The following CREBBP variants were observed in gnomAD, a reference collection of about 807,000 sequenced individuals.
CREBBP encodes the protein CREB-binding protein.
A neutral mutation model predicts 265.0 loss-of-function variants in CREBBP; 19 were observed. That is an observed-to-expected ratio of 0.07 (90% CI 0.05 to 0.11). The LOEUF (loss-of-function observed/expected upper bound fraction) is 0.11, where lower values mean the gene tolerates loss of function less well. Ranked by LOEUF, CREBBP falls within the 10% of genes least tolerant of loss-of-function variation. CREBBP has a pLI of 1.00. For synonymous variants in CREBBP, 1,457 were observed against 1,223.7 expected (o/e 1.19, Z -3.98); for missense variants, 2,525 against 3,219.0 (o/e 0.78, Z 5.22).
chr16:3,857,236 A>G lies in CREBBP; in HGVS notation c.86-6227T>C, dbSNP rs373030339. Among the ~76,000 whole-genome samples the G allele has an allele frequency of 5.9e-5, 9 of 152,230 alleles. No homozygotes were observed. The South Asian group carries it at 1.9e-3, about 32-fold the overall frequency. ...TTTTTGTTTTTCACTGGTCTGCTACACTCTGACCACCGTGACCACTTTTTC... is the reference window on the plus strand; with the variant it reads ...TTTTTGTTTTTCACTGGTCTGCTACGCTCTGACCACCGTGACCACTTTTTC... On this transcript the variant is annotated intron_variant, in intron 1 of 30. Coordinates refer to ENST00000262367, the MANE Select transcript of CREBBP (RefSeq NM_004380.3).
intron 1 of CREBBP, among the ~76,000 whole-genome samples, chr16:3,876,422 A>C (rs973156847): frequency 1.3e-5 from 2 of 150,082 alleles, no homozygotes; most frequent in African/African-American, 4.9e-5. Context: ...AAAAAAAAAA[A>C]AAAACAACCC....
chr16:3,757,661 C>A, intron 18 of CREBBP, 148 bp downstream of exon 18: 1 of 1,210,584 alleles, frequency 8.3e-7, no homozygotes, highest in Non-Finnish European at 1.2e-6. Flanking sequence ...GATCACCCAT[C>A]ACATCGCTTC....
intron 12 of CREBBP, 105 bp downstream of exon 12, chr16:3,774,463 AG>A: frequency 6.7e-7 from 1 of 1,491,974 alleles, no homozygotes. Context: ...CCAAATTCAA[AG>A]GAACAAGAAC....
intron 13 of CREBBP, among the ~76,000 whole-genome samples, chr16:3,771,388 C>T (rs1253250123): frequency 1.3e-5 from 2 of 152,126 alleles, no homozygotes; most frequent in Admixed American, 6.6e-5. Flanking sequence ...GGAATTTAAT[C>T]ACATTTTCTT....
intron 16 of CREBBP, among the ~76,000 whole-genome samples, chr16:3,765,098 C>G (rs1023798506): frequency 2.0e-5 from 3 of 152,028 alleles, no homozygotes; most frequent in Admixed American, 1.3e-4. Flanking sequence ...CTCAGCCTCC[C>G]GAGCAGCTGG....
At chr16:3,749,835 T>C in intron 20 of CREBBP, 152 bp from the exon 21 acceptor site, 1 of 608,994 alleles carries the variant, frequency 1.6e-6, no homozygotes, top group South Asian at 2.0e-5. Context: ...AATAACGGAA[T>C]GAACAGAAAA....
At chr16:3,808,337 T>C (rs530724644) in intron 3 of CREBBP, among the ~76,000 whole-genome samples, 3 of 152,336 alleles carry the variant, frequency 2.0e-5, no homozygotes, top group Admixed American at 2.0e-4. Flanking sequence ...AGAACATATG[T>C]TGGTGCCTTG....
At chr16:3,745,244 G>T (rs1275721987) in intron 22 of CREBBP, 33 bp downstream of exon 22, 3 of 1,598,816 alleles carry the variant, frequency 1.9e-6, no homozygotes, top group Non-Finnish European at 1.7e-6. Context: ...GCTCTGTGCA[G>T]AACTGCCCTC....
chr16:3,850,386 T>G lies in CREBBP; in HGVS notation c.709A>C (p.Ser237Arg). The change falls in exon 2 of 31, where the codon AGC becomes CGC. Residue 237 changes from serine (S) to arginine (R), a missense_variant. Physicochemically the swap from Ser to Arg is moderately radical, Grantham distance 110 (BLOSUM62 -1). Around this residue, in one of 19 missense-constraint regions of CREBBP, gnomAD observed 356 missense variants for 340.4 expected, o/e 1.05. Transcript: ENST00000262367. ...PTPAMQGASS[S>R]VLAETLTQVS... ...TGCGTTAGGGTCTCAGCCAGCACGC[T>G]GCTCGAGGCGCCCTGCATGGCTGGA... is the stretch of plus-strand genomic sequence containing the variant. The G allele has an allele frequency of 1.2e-6, 2 of 1,614,248 alleles. No homozygotes were observed. Among genetic ancestry groups the G allele is most frequent in the Non-Finnish European group, 1.7e-6 (2 of 1,180,036 alleles).
At chr16:3,838,855 T>A (rs2054509095) in intron 2 of CREBBP, among the ~76,000 whole-genome samples, 4 of 152,168 alleles carry the variant, frequency 2.6e-5, no homozygotes, top group Admixed American at 2.0e-4. Context: ...AACAGCTACT[T>A]TCACTACCAA....
At chr16:3,833,333 G>A (rs548721019) in intron 2 of CREBBP, among the ~76,000 whole-genome samples, 72 of 152,312 alleles carry the variant, frequency 4.7e-4, no homozygotes, top group Middle Eastern at 6.8e-3. Flanking sequence ...AATCGCTTGA[G>A]CCCCAGAGGT....
At chr16:3,879,766 A>T (rs2141615216) in intron 1 of CREBBP, 66 bp downstream of exon 1, 1 of 1,490,752 alleles carries the variant, frequency 6.7e-7, no homozygotes, top group Non-Finnish European at 9.1e-7. Context: ...CGACCCCCGG[A>T]CGCTCTCTTT....
intron 1 of CREBBP, among the ~76,000 whole-genome samples, chr16:3,870,608 T>C (rs950108821): frequency 1.3e-5 from 2 of 152,148 alleles, no homozygotes; most frequent in Non-Finnish European, 2.9e-5. Flanking sequence ...CTTAGTTCGT[T>C]TTCTTACAAA....
intron 16 of CREBBP, among the ~76,000 whole-genome samples, chr16:3,765,319 T>C (rs1478411243): frequency 6.6e-6 from 1 of 152,216 alleles, no homozygotes; most frequent in Non-Finnish European, 1.5e-5. Context: ...ACATTCTGCC[T>C]ATCTCCTCAC....
chr16:3,751,590 C>A lies in CREBBP; in HGVS notation c.3779+136G>T, dbSNP rs73493525. On this transcript the variant is annotated intron_variant, in intron 20 of 30. Coordinates refer to ENST00000262367, the MANE Select transcript of CREBBP (RefSeq NM_004380.3). ...CAGGTGACAGAATGAGAACCTGTCT[C>A]AAAAACAAAAAACCAAAAAACATTG... 5.2e-4 allele frequency: 449 copies of A among 865,746 alleles called. No homozygotes were observed. The African/African-American group carries it at 6.7e-3, about 13-fold the overall frequency. 53.6% of individuals were successfully genotyped at this position (865,746 alleles called of 1,614,324 possible).
chr16:3,870,586 A>G (rs1412467622), intron 1 of CREBBP, among the ~76,000 whole-genome samples: 5 of 152,150 alleles, frequency 3.3e-5, no homozygotes, highest in African/African-American at 1.2e-4. Flanking sequence ...CCATTTTGTA[A>G]GATTCTCGAA....
chr16:3,853,621 CA>C (rs1175833594), intron 1 of CREBBP, among the ~76,000 whole-genome samples: 1 of 148,934 alleles, frequency 6.7e-6, no homozygotes, highest in African/African-American at 2.5e-5. Context: ...GACTCCATCT[CA>C]AAAAAACAAA....
At chr16:3,762,623 T>C (rs2052749608) in intron 16 of CREBBP, among the ~76,000 whole-genome samples, 3 of 152,166 alleles carry the variant, frequency 2.0e-5, no homozygotes, top group Admixed American at 2.0e-4. Flanking sequence ...GGCAGGGCTG[T>C]TGCAGCGCAC....
chr16:3,754,876 A>G (rs2052553620), intron 19 of CREBBP, among the ~76,000 whole-genome samples: 1 of 152,222 alleles, frequency 6.6e-6, no homozygotes, highest in African/African-American at 2.4e-5. Flanking sequence ...TCATAAGAAC[A>G]CTGCAGTGTT....
Sources: gnomAD v4.1 joint callset for allele counts (sites outside exome capture counted in the v4.1 genomes callset) on GRCh38, gnomAD v4.1.1 for gene constraint, gnomAD v4.1.1 regional missense constraint, MANE v1.5 for transcripts, NCBI Gene and HGNC (gene_info 2026-07-23, HGNC 2026-07-21) for gene names.